The following FBXO34 variants were observed in gnomAD, a reference collection of about 807,000 sequenced individuals.
FBXO34 encodes the protein F-box protein 34, also known as F-box only protein 34.
Under a neutral mutation model 24.5 loss-of-function variants are expected in FBXO34, and 12 were observed. That is an observed-to-expected ratio of 0.49 (90% CI 0.31 to 0.79). The LOEUF is 0.79. Among genes scored for constraint, FBXO34 ranks in the 30% least tolerant of loss-of-function variants. The pLI is 0.04. For missense variants in FBXO34, 823 were observed against 857.7 expected (o/e 0.96, Z 0.51); for synonymous variants, 320 against 311.9 (o/e 1.03, Z -0.27).
chr14:55,424,596 A>G, the FBXO34 span, among the ~76,000 whole-genome samples: 1 of 152,210 alleles, frequency 6.6e-6, no homozygotes, highest in Non-Finnish European at 1.5e-5. Flanking sequence ...AGAATACATA[A>G]TCATGTTTTT....
intron 1 of FBXO34, among the ~76,000 whole-genome samples, chr14:55,297,955 T>G (rs1443429861): frequency 6.6e-6 from 1 of 152,248 alleles, no homozygotes; most frequent in Non-Finnish European, 1.5e-5. Context: ...TTGAGAAATG[T>G]TGAAAGTTTC....
intron 1 of FBXO34, among the ~76,000 whole-genome samples, chr14:55,345,984 G>A (rs1485670944): frequency 6.6e-6 from 1 of 152,158 alleles, no homozygotes; most frequent in Admixed American, 6.5e-5. Flanking sequence ...TAGCCTGGGT[G>A]ACAGAGGAAG....
chr14:55,341,170 G>A (rs1883979436), intron 1 of FBXO34, among the ~76,000 whole-genome samples: 1 of 152,142 alleles, frequency 6.6e-6, no homozygotes, highest in African/African-American at 2.4e-5. Context: ...GTCAGTTGAA[G>A]GTAAACTACT....
chr14:55,397,514 A>G, the FBXO34 span: 5 of 1,101,650 alleles, frequency 4.5e-6, no homozygotes, highest in Middle Eastern at 2.0e-4. Context: ...CCAAGAACCA[A>G]TCATTCTGCA....
At chr14:55,398,426 G>A in the FBXO34 span, among the ~76,000 whole-genome samples, 1 of 151,912 alleles carries the variant, frequency 6.6e-6, no homozygotes, top group Non-Finnish European at 1.5e-5. Context: ...CTCCTTCTAT[G>A]CACTGTTATA....
chr14:55,361,051 G>A (rs952696232), intron 3 of FBXO34, among the ~76,000 whole-genome samples: 2 of 151,998 alleles, frequency 1.3e-5, no homozygotes, highest in Admixed American at 6.6e-5. Flanking sequence ...AATCACAAAT[G>A]TTTTTAATGG....
At chr14:55,355,491 T>C (rs1884507021), downstream of FBXO34, among the ~76,000 whole-genome samples, 1 of 152,206 alleles carries the variant, frequency 6.6e-6, no homozygotes, top group Admixed American at 6.5e-5. Flanking sequence ...CAGCCTCAGA[T>C]TTAAAATACT....
At chr14:55,313,324 C>T (rs1594745409) in intron 1 of FBXO34, among the ~76,000 whole-genome samples, 1 of 152,140 alleles carries the variant, frequency 6.6e-6, no homozygotes, top group Non-Finnish European at 1.5e-5. Flanking sequence ...CTTCATTGAC[C>T]ATATCACTAT....
downstream of FBXO34, among the ~76,000 whole-genome samples, chr14:55,363,367 G>A (rs528586439): frequency 4.8e-4 from 72 of 151,116 alleles, no homozygotes; most frequent in Non-Finnish European, 6.2e-4. Context: ...CTGCTCTTTC[G>A]TCCAGGCTGG....
the FBXO34 span, among the ~76,000 whole-genome samples, chr14:55,430,048 G>T: frequency 6.6e-6 from 1 of 152,092 alleles, no homozygotes; most frequent in Non-Finnish European, 1.5e-5. Flanking sequence ...TGTCCTTTAA[G>T]TGTCTGTCCT....
chr14:55,298,850 G>T lies in FBXO34; in HGVS notation c.-11+27313G>T. ...AGAGGTATGAGAAGCAGCTGGCGCA[G>T]ATCGACGGTACATTATCAACCATCG... On this transcript the variant is annotated intron_variant, in intron 1 of 1. Transcript: ENST00000313833. The T allele has an allele frequency of 2.5e-6, 4 of 1,612,384 alleles. No homozygotes were observed. In the South Asian group the frequency reaches 3.3e-5, roughly 13 times the overall value.
At chr14:55,383,238 G>A in the FBXO34 span, among the ~76,000 whole-genome samples, 1 of 151,048 alleles carries the variant, frequency 6.6e-6, no homozygotes, top group Non-Finnish European at 1.5e-5. Context: ...GAAAATATTC[G>A]GGGGAAAAAA....
chr14:55,283,461 T>C (rs970591172), intron 1 of FBXO34, among the ~76,000 whole-genome samples: 4 of 151,658 alleles, frequency 2.6e-5, no homozygotes, highest in East Asian at 1.9e-4. Flanking sequence ...TTTATTCTTT[T>C]TTTCTTTCTT....
chr14:55,357,331 T>C (rs985571598), downstream of FBXO34, among the ~76,000 whole-genome samples: 2 of 152,234 alleles, frequency 1.3e-5, no homozygotes, highest in South Asian at 4.1e-4. Flanking sequence ...CAGCAGCCCA[T>C]GTAAGAGGTG....
chr14:55,282,339 A>G (rs886251219), intron 1 of FBXO34: 4 of 461,180 alleles, frequency 8.7e-6, no homozygotes, highest in South Asian at 4.8e-5. Context: ...CACTTTCACA[A>G]TGATTTTCTG....
the FBXO34 span, among the ~76,000 whole-genome samples, chr14:55,378,723 G>A: frequency 1.3e-5 from 2 of 151,872 alleles, no homozygotes; most frequent in African/African-American, 4.8e-5. Flanking sequence ...TTTTTAGGCA[G>A]GGTCTCACTC....
the FBXO34 span, among the ~76,000 whole-genome samples, chr14:55,398,463 TATTTTCATTATC>T: frequency 2.0e-5 from 3 of 152,220 alleles, no homozygotes; most frequent in African/African-American, 7.2e-5. Flanking sequence ...TGATATTGTG[TATTTTCATTATC>T]ATTTAGTTTG....
intron 1 of FBXO34, among the ~76,000 whole-genome samples, chr14:55,343,241 A>ATT (rs377334751): frequency 3.6e-3 from 472 of 130,854 alleles, no homozygotes; most frequent in Non-Finnish European, 5.4e-3. Context: ...TATTCCTCCG[A>ATT]TTTTTTTTTT....
chr14:55,349,607 CTT>C (rs57284715), intron 1 of FBXO34, among the ~76,000 whole-genome samples: 6 of 116,580 alleles, frequency 5.1e-5, no homozygotes, highest in Admixed American at 9.3e-5. Flanking sequence ...CAATAATTTT[CTT>C]TTTTTTTTTT....
Sources: gnomAD v4.1 joint callset for allele counts (sites outside exome capture counted in the v4.1 genomes callset) on GRCh38, gnomAD v4.1.1 for gene constraint, MANE v1.5 for transcripts, NCBI Gene and HGNC (gene_info 2026-07-23, HGNC 2026-07-21) for gene names.